LPL: variants seen among roughly 807,000 people sequenced by gnomAD.
LPL encodes lipoprotein lipase, also known as phospholipase A1.
In LPL, 43 loss-of-function variants were observed where a neutral mutation model predicts 52.2. That is an observed-to-expected ratio of 0.82 (90% CI 0.64 to 1.06). The LOEUF (loss-of-function observed/expected upper bound fraction) is 1.06. Among genes scored for constraint, LPL ranks in the 50% least tolerant of loss-of-function variants. The pLI, the probability that LPL is intolerant of heterozygous loss-of-function variation, is 0.00. For missense variants in LPL, 639 were observed against 585.3 expected, an observed-to-expected ratio of 1.09 and a Z score of -0.95; for synonymous variants, 244 against 215.6, an observed-to-expected ratio of 1.13 and a Z score of -1.15.
chr8:19,951,787 A>C lies in LPL; in HGVS notation c.268A>C (p.Ser90Arg). ...HGWTVTGMYE[S>R]WVPKLVAALY... is the part of the protein sequence containing the mutation. ...TCTTCAGGTAACAGGAATGTATGAG[A>C]GTTGGGTGCCAAAACTTGTGGCCGC... is the stretch of plus-strand genomic sequence containing the variant. The change falls in exon 3 of 10, where the codon AGT becomes CGT. Residue 90 changes from serine to arginine, a missense_variant. Ser to Arg is a moderately radical substitution (Grantham distance 110). Coordinates refer to ENST00000650287, the MANE Select transcript of LPL (RefSeq NM_000237.3). The C allele has an allele frequency of 6.2e-7, 1 of 1,614,196 alleles. No individual in the cohort carries two copies. Among genetic ancestry groups the C allele is most frequent in the South Asian group, 1.1e-5 (1 of 91,088 alleles).
At chr8:19,946,621 C>T (rs890125493) in intron 1 of LPL, 41 of 226,988 alleles carry the variant, frequency 1.8e-4, no homozygotes, top group African/African-American at 7.0e-4. Context: ...AAGTAGTCCT[C>T]GCAGCCTCAT....
intron 1 of LPL, among the ~76,000 whole-genome samples, chr8:19,947,838 G>A (rs1356996293): frequency 6.6e-6 from 1 of 152,098 alleles, no homozygotes; most frequent in East Asian, 1.9e-4. Flanking sequence ...TGTCTTGAGA[G>A]AAGACAGAAT....
chr8:19,952,551 G>A lies in LPL; in HGVS notation c.429+603G>A, dbSNP rs569820564. ...TACCTCTGAAAAGTATCTTGGGGTT[G>A]GAAAGAAGCTGATACTCTGACCAAG... On this transcript the variant is annotated intron_variant, in intron 3 of 9. Transcript: ENST00000650287. 4.6e-5 allele frequency among the ~76,000 whole-genome samples: 7 copies of A among 152,224 alleles called. No homozygotes were observed. In the South Asian group the frequency reaches 1.5e-3, roughly 32 times the overall value.
At chr8:19,957,209 C>T (rs558001777) in intron 6 of LPL, among the ~76,000 whole-genome samples, 1 of 152,130 alleles carries the variant, frequency 6.6e-6, no homozygotes, top group South Asian at 2.1e-4. Context: ...TAGAGGCAGA[C>T]CTAAAGGAAT....
rs112127208 is a variant in LPL at position 19,944,019 on chromosome 8, T to G, written c.89-4161T>G. 0.13 allele frequency among the ~76,000 whole-genome samples: 19,953 copies of G among 151,898 alleles called. 1,628 individuals are homozygous for G. Among genetic ancestry groups the G allele is most frequent in the South Asian group, 0.24 (1,145 of 4,780 alleles). On this transcript the variant is annotated intron_variant, in intron 1 of 9. Transcript: ENST00000650287. The surrounding 1 kb of genome is among the most constrained non-coding windows in gnomAD (Gnocchi z 4.2). Reference sequence around the variant, plus strand: ...GTGGCCAGGATGGTGAAACCCCATCTCTACTAAAAATACAAAAATTAGCCA... The same window carrying G: ...GTGGCCAGGATGGTGAAACCCCATCGCTACTAAAAATACAAAAATTAGCCA...
At chr8:19,952,891 C>A (rs2128837887) in intron 3 of LPL, among the ~76,000 whole-genome samples, 1 of 152,218 alleles carries the variant, frequency 6.6e-6, no homozygotes, top group East Asian at 1.9e-4. Context: ...TTCAAACATA[C>A]ACACATATAC....
rs1563571716 is a variant in LPL at position 19,950,889 on chromosome 8, G to GGAAGGAAT, written c.250-872_250-865dup. On this transcript the variant is annotated intron_variant, in intron 2 of 9. Coordinates refer to ENST00000650287, the MANE Select transcript of LPL (RefSeq NM_000237.3). This position sits in a 1 kb window ranked among gnomAD's most constrained non-coding sequence, Gnocchi z 4.2. ...AGGGAAGGAGGGAGGGAGGAAGGAA[G>GGAAGGAAT]GAAGGAATGAAGGAAGGAAGGAAGG... 1.3e-5 allele frequency among the ~76,000 whole-genome samples: 2 copies of GGAAGGAAT among 148,268 alleles called. No homozygotes were observed. Among genetic ancestry groups the GGAAGGAAT allele is most frequent in the African/African-American group, 5.0e-5 (2 of 40,148 alleles).
rs978741827 is a variant in LPL, at chr8:19,939,932, G to C, written c.88+404G>C. The stretch of plus-strand genomic sequence containing the variant: ...CTGCCGGAGGGGCCCTGGAATGAAA[G>C]GCGCGCGGGCCAAGGTGACCTCGCC... On this transcript the variant is annotated intron_variant, in intron 1 of 9. Transcript: ENST00000650287. This position sits in a 1 kb window ranked among gnomAD's most constrained non-coding sequence, Gnocchi z 4.0. Among the ~76,000 whole-genome samples, 2 of 152,196 alleles carry C rather than the reference G, an allele frequency of 1.3e-5. No individual in the cohort carries two copies. The highest frequency in any genetic ancestry group is 4.8e-5 in the African/African-American group (2 of 41,470).
chr8:19,940,999 A>C (rs2069834013), intron 1 of LPL, among the ~76,000 whole-genome samples: 1 of 152,148 alleles, frequency 6.6e-6, no homozygotes. Context: ...GCAGGCTGAG[A>C]GATCACTTGA....
chr8:19,962,633 A>C (rs2070049997), intron 9 of LPL, among the ~76,000 whole-genome samples: 1 of 152,148 alleles, frequency 6.6e-6, no homozygotes. Context: ...TATTCAGGGA[A>C]GTAAAAAGAT....
intron 2 of LPL, among the ~76,000 whole-genome samples, chr8:19,948,727 G>A (rs2069905466): frequency 6.6e-6 from 1 of 152,194 alleles, no homozygotes; most frequent in Non-Finnish European, 1.5e-5. Context: ...CAGCATGGAA[G>A]AGTGAGGAGA....
At chr8:19,946,914 T>C (rs1282098287) in intron 1 of LPL, among the ~76,000 whole-genome samples, 1 of 152,216 alleles carries the variant, frequency 6.6e-6, no homozygotes, top group Non-Finnish European at 1.5e-5. Flanking sequence ...CTTTCTCTTC[T>C]CACCAAGTTT....
intron 1 of LPL, among the ~76,000 whole-genome samples, chr8:19,945,874 G>C (rs1171915148): frequency 6.6e-6 from 1 of 152,160 alleles, no homozygotes; most frequent in Non-Finnish European, 1.5e-5. Flanking sequence ...TAAAAAGATT[G>C]ATCATAGAAT....
rs1336428494 is a variant in LPL, at chr8:19,960,937, A to C, written c.1176A>C (p.Leu392=). Residue 392 remains leucine (L), a synonymous_variant, in exon 8 of 10, where the codon CTA becomes CTC. Transcript: ENST00000650287. ...CCACAAATAAGACCTACTCCTTCCTAATTTACACAGAGGTAGATATTGGAG... is the reference window on the plus strand; with the variant it reads ...CCACAAATAAGACCTACTCCTTCCTCATTTACACAGAGGTAGATATTGGAG... ...EVSTNKTYSF[L]IYTEVDIGEL... is the part of the protein sequence containing the mutation. 1 of 1,613,886 alleles carries C rather than the reference A, an allele frequency of 6.2e-7. No individual in the cohort carries two copies. The highest frequency in any genetic ancestry group is 1.3e-5 in the African/African-American group (1 of 74,900).
chr8:19,961,457 A>G (rs1173237262), intron 8 of LPL, among the ~76,000 whole-genome samples: 1 of 151,968 alleles, frequency 6.6e-6, no homozygotes, highest in African/African-American at 2.4e-5. Context: ...ATTCAAACCA[A>G]CCTCTTCAAG....
rs1192863284 is a variant in LPL, at chr8:19,939,461, C to A, written c.21C>A (p.Leu7=). Residue 7 remains leucine, a synonymous_variant, in exon 1 of 10, where the codon CTC becomes CTA. Coordinates refer to ENST00000650287, the MANE Select transcript of LPL (RefSeq NM_000237.3). The surrounding 1 kb of genome is among the most constrained non-coding windows in gnomAD (Gnocchi z 4.0). MESKAL[L]VLTLAVWLQS... ...CCGAGATGGAGAGCAAAGCCCTGCT[C>A]GTGCTGACTCTGGCCGTGTGGCTCC... 4 of 1,610,698 alleles carry A rather than the reference C, an allele frequency of 2.5e-6. No homozygotes were observed. The highest frequency in any genetic ancestry group is 3.4e-6 in the Non-Finnish European group (4 of 1,179,006).
intron 7 of LPL, among the ~76,000 whole-genome samples, chr8:19,959,979 G>C (rs1332011990): frequency 6.6e-6 from 1 of 151,464 alleles, no homozygotes; most frequent in African/African-American, 2.4e-5. Context: ...AGTAGCGACA[G>C]GGTCTCACCA....
chr8:19,956,581 G>T (rs1391199892), intron 6 of LPL, among the ~76,000 whole-genome samples: 2 of 152,124 alleles, frequency 1.3e-5, no homozygotes, highest in African/African-American at 4.8e-5. Context: ...GTACCCATTA[G>T]TTACTTTTCC....
intron 9 of LPL, among the ~76,000 whole-genome samples, chr8:19,964,872 A>G (rs937958762): frequency 6.6e-6 from 1 of 152,200 alleles, no homozygotes; most frequent in Admixed American, 6.5e-5. Flanking sequence ...TCTAGGAGGT[A>G]ATTATAAATT....
Sources: allele counts gnomAD v4.1 joint callset (sites outside exome capture counted in the v4.1 genomes callset), GRCh38; gene constraint gnomAD v4.1.1; non-coding constraint Gnocchi (gnomAD v3.1); transcripts MANE v1.5; gene names NCBI Gene and HGNC (gene_info 2026-07-23, HGNC 2026-07-21).